Variants in WWOX observed in about 807,000 individuals in gnomAD.
The protein encoded by WWOX is WW domain containing oxidoreductase.
Under a neutral mutation model 46.2 loss-of-function variants are expected in WWOX, and 69 were observed. That is an observed-to-expected ratio of 1.49 (90% CI 1.23 to 1.82). The LOEUF is 1.82. Among genes scored for constraint, WWOX ranks in the 40% most tolerant of loss-of-function variants. The probability of loss-of-function intolerance (pLI) is 0.00; values close to 1 mark genes in which losing one functional copy is unlikely to be tolerated. For synonymous variants in WWOX, 359 were observed against 202.6 expected, an observed-to-expected ratio of 1.77 and a Z score of -6.56; for missense variants, 919 against 542.6, an observed-to-expected ratio of 1.69 and a Z score of -6.89.
chr16:79,001,629 T>C (rs1464607872), intron 8 of WWOX, among the ~76,000 whole-genome samples: 3 of 151,366 alleles, frequency 2.0e-5, no homozygotes, highest in African/African-American at 7.3e-5. Context: ...TGTAATAAAC[T>C]ACTCTATATT....
chr16:78,144,436 T>C (rs1250101120), intron 4 of WWOX, among the ~76,000 whole-genome samples: 5 of 16,284 alleles, frequency 3.1e-4, no homozygotes, highest in Admixed American at 8.7e-4. Context: ...TTACTATATA[T>C]ATATATATAT....
At chr16:78,462,491 A>G (rs971475168) in intron 8 of WWOX, among the ~76,000 whole-genome samples, 1 of 152,118 alleles carries the variant, frequency 6.6e-6, no homozygotes, top group Admixed American at 6.5e-5. Flanking sequence ...TTCCTTAGTA[A>G]ATTGTTGTAA....
intron 8 of WWOX, among the ~76,000 whole-genome samples, chr16:79,197,166 C>T (rs1352019807): frequency 6.6e-6 from 1 of 152,120 alleles, no homozygotes; most frequent in Non-Finnish European, 1.5e-5. Context: ...CCATTCTGTC[C>T]TTCAGGTACC....
chr16:78,441,285 A>G (rs1267919175), intron 8 of WWOX, among the ~76,000 whole-genome samples: 9 of 152,144 alleles, frequency 5.9e-5, no homozygotes, highest in Non-Finnish European at 1.3e-4. Context: ...CCTTCACACT[A>G]CTGTATCCCT....
At chr16:78,691,694 C>G (rs1046260443) in intron 8 of WWOX, among the ~76,000 whole-genome samples, 4 of 152,104 alleles carry the variant, frequency 2.6e-5, no homozygotes, top group African/African-American at 9.7e-5. Context: ...GGCAACAGGA[C>G]AAGACCGTGT....
At chr16:78,608,854 C>T (rs2045829225) in intron 8 of WWOX, among the ~76,000 whole-genome samples, 2 of 152,156 alleles carry the variant, frequency 1.3e-5, no homozygotes, top group Non-Finnish European at 2.9e-5. Context: ...GACAAAGGGT[C>T]AGGTGGTCTT....
intron 8 of WWOX, among the ~76,000 whole-genome samples, chr16:79,119,280 A>G (rs1355131753): frequency 4.6e-5 from 7 of 152,234 alleles, no homozygotes. Context: ...AATCCAGAGA[A>G]ACACAGCGGA....
At chr16:79,028,104 C>G (rs555046351) in intron 8 of WWOX, among the ~76,000 whole-genome samples, 2 of 151,722 alleles carry the variant, frequency 1.3e-5, no homozygotes, top group Non-Finnish European at 2.9e-5. Flanking sequence ...GCACCTGCCA[C>G]GACGCCTGGC....
At chr16:78,105,720 T>C (rs113385350) in intron 1 of WWOX, among the ~76,000 whole-genome samples, 1 of 152,146 alleles carries the variant, frequency 6.6e-6, no homozygotes, top group African/African-American at 2.4e-5. Flanking sequence ...AGCTTCACCT[T>C]CTAAGGGCTG....
chr16:78,604,438 G>C (rs959428926), intron 8 of WWOX, among the ~76,000 whole-genome samples: 1 of 152,134 alleles, frequency 6.6e-6, no homozygotes, highest in African/African-American at 2.4e-5. Context: ...GTGATGCTGT[G>C]AGGGTGAGCA....
At chr16:78,662,622 T>C (rs558111578) in intron 8 of WWOX, among the ~76,000 whole-genome samples, 1 of 152,292 alleles carries the variant, frequency 6.6e-6, no homozygotes, top group Non-Finnish European at 1.5e-5. Flanking sequence ...TTACTATTTT[T>C]TAAAAAACAT....
intron 8 of WWOX, among the ~76,000 whole-genome samples, chr16:78,781,344 C>T (rs899081270): frequency 1.3e-5 from 2 of 152,154 alleles, no homozygotes; most frequent in Non-Finnish European, 2.9e-5. Flanking sequence ...TGTTTGAGAT[C>T]TCAGAAATCT....
At chr16:79,172,968 C>T (rs1353856124) in intron 8 of WWOX, among the ~76,000 whole-genome samples, 1 of 152,204 alleles carries the variant, frequency 6.6e-6, no homozygotes, top group Non-Finnish European at 1.5e-5. Context: ...CTGCAGTGAA[C>T]CATGATGGTG....
chr16:78,117,859 A>G (rs2032883038), intron 4 of WWOX, among the ~76,000 whole-genome samples: 1 of 152,032 alleles, frequency 6.6e-6, no homozygotes, highest in Non-Finnish European at 1.5e-5. Flanking sequence ...TCTTTGGATA[A>G]ACCGTGAAAT....
intron 4 of WWOX, among the ~76,000 whole-genome samples, chr16:78,147,741 A>C (rs2034258332): frequency 7.2e-6 from 1 of 139,166 alleles, no homozygotes; most frequent in African/African-American, 2.7e-5. Context: ...CACATTGTCC[A>C]CATGGACAGT....
intron 5 of WWOX, among the ~76,000 whole-genome samples, chr16:78,312,105 C>T (rs888789259): frequency 6.6e-6 from 1 of 152,128 alleles, no homozygotes; most frequent in African/African-American, 2.4e-5. Flanking sequence ...TTTGCCTCCT[C>T]CTCTTACTTT....
intron 8 of WWOX, among the ~76,000 whole-genome samples, chr16:78,466,422 A>G (rs2084080130): frequency 6.6e-6 from 1 of 152,210 alleles, no homozygotes; most frequent in African/African-American, 2.4e-5. Flanking sequence ...ATGACACTAA[A>G]TTGTACACTT....
In WWOX at chr16:79,211,953, A is replaced by C. The variant is rs1253819767; in HGVS notation, c.*157A>C. ...AACAGAGTGAAAAATCTTAAGTACCAATGGGAAGCAGGGAATTCCTGGGGT... is the reference window on the plus strand; with the variant it reads ...AACAGAGTGAAAAATCTTAAGTACCCATGGGAAGCAGGGAATTCCTGGGGT... On this transcript the variant is annotated 3_prime_UTR_variant, in exon 9 of 9. Transcript: ENST00000566780. The C allele has an allele frequency of 1.3e-6, 2 of 1,536,526 alleles. No individual in the cohort carries two copies.
intron 8 of WWOX, among the ~76,000 whole-genome samples, chr16:78,957,819 G>A (rs760540424): frequency 7.2e-5 from 11 of 152,164 alleles, no homozygotes; most frequent in Admixed American, 1.3e-4. Context: ...CTGTCCCTGC[G>A]CTGGTGCGGC....
Sources: allele counts gnomAD v4.1 joint callset (sites outside exome capture counted in the v4.1 genomes callset), GRCh38; gene constraint gnomAD v4.1.1; transcripts MANE v1.5; gene names NCBI Gene and HGNC (gene_info 2026-07-23, HGNC 2026-07-21).